The following EIF4G1 variants were observed in gnomAD, a reference collection of about 807,000 sequenced individuals.
EIF4G1 encodes EIF4-gamma.
A neutral mutation model predicts 187.8 loss-of-function variants in EIF4G1; 4 were observed. That is an observed-to-expected ratio of 0.02 (90% CI 0.01 to 0.05). EIF4G1 has a LOEUF of 0.05. Among genes scored for constraint, EIF4G1 ranks in the 10% least tolerant of loss-of-function variants. EIF4G1 has a pLI of 1.00. For missense variants in EIF4G1, 1,647 were observed against 2,081.1 expected, an observed-to-expected ratio of 0.79 and a Z score of 4.06; for synonymous variants, 844 against 781.4, an observed-to-expected ratio of 1.08 and a Z score of -1.34.
intron 32 of EIF4G1, among the ~76,000 whole-genome samples, chr3:184,332,427 C>T (rs534586613): frequency 1.3e-5 from 2 of 152,288 alleles, no homozygotes; most frequent in Non-Finnish European, 2.9e-5. Context: ...CTCATGTAGT[C>T]CTCACAAATG....
chr3:184,318,627 C>T (rs1394586846), intron 6 of EIF4G1, among the ~76,000 whole-genome samples: 1 of 152,100 alleles, frequency 6.6e-6, no homozygotes, highest in Non-Finnish European at 1.5e-5. Flanking sequence ...CTTTTTGAGA[C>T]GGAGTCTCGC....
intron 6 of EIF4G1, among the ~76,000 whole-genome samples, chr3:184,318,108 T>G (rs1020853957): frequency 1.3e-5 from 2 of 152,198 alleles, no homozygotes; most frequent in Non-Finnish European, 2.9e-5. Flanking sequence ...CTTCCATGGT[T>G]GGGAGCCCAT....
In EIF4G1 at chr3:184,323,458, C is replaced by G; in HGVS notation, c.2139C>G (p.Arg713=). The change falls in exon 15 of 33, where the codon CGC becomes CGG. Residue 713 remains arginine (R), a synonymous_variant. Transcript: ENST00000346169. This position sits in a 1 kb window ranked among gnomAD's most constrained non-coding sequence, Gnocchi z 6.9. ...RSQQGPRKEP[R]KIIATVLMTE... Reference sequence around the variant, plus strand: ...AGCAGGGACCCCGAAAAGAACCACGCAAGATCATTGCCACAGTGTTAATGA... The same window carrying G: ...AGCAGGGACCCCGAAAAGAACCACGGAAGATCATTGCCACAGTGTTAATGA... The G allele has an allele frequency of 6.2e-7, 1 of 1,614,226 alleles. No homozygotes were observed. The highest frequency in any genetic ancestry group is 8.5e-7 in the Non-Finnish European group (1 of 1,180,040).
At position 184,327,324 on chromosome 3, in the gene EIF4G1, A is replaced by T; in HGVS notation, c.3537A>T (p.Thr1179=). ...DRGDRLDRAR[T]PATKRSFSKE... ...GGGACCGGCTTGATCGTGCGCGGAC[A>T]CCTGCTACCAAGCGGAGCTTCAGCA... Residue 1179 remains threonine (T), a synonymous_variant, in exon 24 of 33, where the codon ACA becomes ACT. Transcript: ENST00000346169. 6.2e-7 allele frequency: 1 copy of T among 1,613,828 alleles called. No homozygotes were observed. The highest frequency in any genetic ancestry group is 8.5e-7 in the Non-Finnish European group (1 of 1,180,032).
chr3:184,334,590 G>A lies in EIF4G1; in HGVS notation c.4619-137G>A. The A allele has an allele frequency of 1.0e-6, 1 of 965,488 alleles. No homozygotes were observed. Among genetic ancestry groups the A allele is most frequent in the Non-Finnish European group, 1.6e-6 (1 of 616,062 alleles). 59.8% of individuals were successfully genotyped at this position (965,488 alleles called of 1,614,324 possible). A position where few individuals can be genotyped will look rare whatever the true frequency, so the allele number is the denominator to read the frequency against. Reference sequence around the variant, plus strand: ...AGATTAGCATCCTGTCAGAGGCCTAGTCACTCTGGAATGGCCACAAATGTC... The same window carrying A: ...AGATTAGCATCCTGTCAGAGGCCTAATCACTCTGGAATGGCCACAAATGTC... On this transcript the variant is annotated intron_variant, in intron 32 of 32. Coordinates refer to ENST00000346169, the MANE Select transcript of EIF4G1 (RefSeq NM_198241.3). The surrounding 1 kb of genome is among the most constrained non-coding windows in gnomAD (Gnocchi z 5.8).
chr3:184,320,299 T>A, intron 7 of EIF4G1: 1 of 1,270,646 alleles, frequency 7.9e-7, no homozygotes, highest in Non-Finnish European at 1.0e-6. Context: ...TAGCCACAAG[T>A]GAGCCGATTG....
chr3:184,332,250 T>C, intron 32 of EIF4G1, 164 bp downstream of exon 32: 1 of 953,748 alleles, frequency 1.0e-6, no homozygotes, highest in Non-Finnish European at 1.6e-6. Flanking sequence ...TGTTGTGTTG[T>C]TCCTACAAGT....
At chr3:184,316,938 T>C (rs560992246) in intron 4 of EIF4G1, among the ~76,000 whole-genome samples, 4 of 152,170 alleles carry the variant, frequency 2.6e-5, no homozygotes, top group Non-Finnish European at 5.9e-5. Context: ...TTGCATGTTA[T>C]GGTTAGCTCC....
rs918244413 is a variant in EIF4G1, at chr3:184,328,082, C to A, written c.3953+80C>A. On this transcript the variant is annotated intron_variant, in intron 26 of 32. Coordinates refer to ENST00000346169, the MANE Select transcript of EIF4G1 (RefSeq NM_198241.3). ...CCTTTTTGGGACCCTTGGAACCTTG[C>A]ATAAGAGTGTAGGTTCCCTGGCCGG... 5 of 1,527,340 alleles carry A rather than the reference C, an allele frequency of 3.3e-6. No individual in the cohort carries two copies. The African/African-American group carries it at 5.5e-5, about 17-fold the overall frequency. The allele number at this position is 1,527,340 out of a possible 1,614,324, so 94.6% of individuals were successfully genotyped here.
chr3:184,319,856 G>A, intron 7 of EIF4G1, 55 bp downstream of exon 7: 1 of 1,255,038 alleles, frequency 8.0e-7, no homozygotes. Context: ...TCAAGGTCAG[G>A]TGCTGCTGGG....
In EIF4G1 at chr3:184,324,905, G is replaced by A. The variant is rs936223156; in HGVS notation, c.2647G>A (p.Glu883Lys). The change falls in exon 18 of 33, where the codon GAG (glutamate) becomes AAG (lysine). Residue 883 changes from glutamate (E) to lysine (K), a missense_variant. Around this residue, in one of 11 missense-constraint regions of EIF4G1, gnomAD observed 40 missense variants for 42.2 expected, o/e 0.95. Coordinates refer to ENST00000346169, the MANE Select transcript of EIF4G1 (RefSeq NM_198241.3). ...TAEERGRLKE[E>K]LEEARDIARR... ...AGAGGAACGAGGACGCCTGAAGGAA[G>A]AGCTGGAAGAGGCTCGGGACATAGC... 6 of 1,614,070 alleles carry A rather than the reference G, an allele frequency of 3.7e-6. No individual in the cohort carries two copies. The highest frequency in any genetic ancestry group is 4.2e-6 in the Non-Finnish European group (5 of 1,180,062).
rs773620735 is a variant in EIF4G1 at position 184,328,921 on chromosome 3, G to A, written c.4092G>A (p.Lys1364=). The A allele has an allele frequency of 2.5e-6, 4 of 1,614,052 alleles. No individual in the cohort carries two copies. In the East Asian group the frequency reaches 8.9e-5, roughly 36 times the overall value. The change falls in exon 28 of 33, where the codon AAG becomes AAA. Residue 1364 remains lysine (K), a synonymous_variant. Coordinates refer to ENST00000346169, the MANE Select transcript of EIF4G1 (RefSeq NM_198241.3). ...PMGELFREIT[K]PLRPLGKAAS... ...TCTCTTCTTGTAGGGAGATTACAAA[G>A]CCTCTGAGACCGTTGGGCAAAGCTG...
At chr3:184,332,166 C>A in intron 32 of EIF4G1, 80 bp downstream of exon 32, 1 of 1,595,520 alleles carries the variant, frequency 6.3e-7, no homozygotes, top group Non-Finnish European at 8.6e-7. Flanking sequence ...ATGGAAGGGT[C>A]TTAATCCAAG....
At position 184,325,770 on chromosome 3, in the gene EIF4G1, A is replaced by G. The variant is rs764339221; in HGVS notation, c.3122-81A>G. On this transcript the variant is annotated intron_variant, in intron 20 of 32. Coordinates refer to ENST00000346169, the MANE Select transcript of EIF4G1 (RefSeq NM_198241.3). The surrounding 1 kb of genome is among the most constrained non-coding windows in gnomAD (Gnocchi z 5.2). ...CCATGATGGAACTGAGGATCTGAGG[A>G]AGGGAGGCTGGGGGTGGCCCAAGGG... 1.2e-6 allele frequency: 2 copies of G among 1,611,420 alleles called. No individual in the cohort carries two copies. Among genetic ancestry groups the G allele is most frequent in the Non-Finnish European group, 1.7e-6 (2 of 1,177,576 alleles).
chr3:184,317,534 C>G (rs750192552), intron 5 of EIF4G1, 37 bp downstream of exon 5: 2 of 1,611,758 alleles, frequency 1.2e-6, no homozygotes, highest in Admixed American at 3.3e-5. Flanking sequence ...AGCCACAGAC[C>G]CCTATACCTC....
At chr3:184,324,375 C>G in intron 17 of EIF4G1, 28 bp downstream of exon 17, 1 of 1,614,106 alleles carries the variant, frequency 6.2e-7, no homozygotes, top group South Asian at 1.1e-5. Context: ...ATCGATTCCA[C>G]TCACCACTTA....
At chr3:184,329,044 T>C (rs1725515832) in intron 28 of EIF4G1, 54 bp downstream of exon 28, 2 of 1,601,842 alleles carry the variant, frequency 1.2e-6, no homozygotes, top group Middle Eastern at 3.8e-4. Flanking sequence ...TTTTGGCTGT[T>C]TGCTGTGGCC....
At position 184,324,922 on chromosome 3, in the gene EIF4G1, G is replaced by A. The variant is rs113839760; in HGVS notation, c.2664G>A (p.Arg888=). Residue 888 remains arginine (R), a synonymous_variant, in exon 18 of 33, where the codon CGG becomes CGA. Coordinates refer to ENST00000346169, the MANE Select transcript of EIF4G1 (RefSeq NM_198241.3). ...TGAAGGAAGAGCTGGAAGAGGCTCG[G>A]GACATAGCCCGGCGGCGCTCTTTAG... is the stretch of plus-strand genomic sequence containing the variant. The part of the protein sequence containing the change: ...GRLKEELEEA[R]DIARRRSLGN... 457 of 1,614,224 alleles carry A rather than the reference G, an allele frequency of 2.8e-4. 1 individual carries two copies. The African/African-American group carries it at 5.4e-3, about 19-fold the overall frequency.
chr3:184,315,935 C>T, intron 3 of EIF4G1, 79 bp downstream of exon 3: 2 of 1,510,746 alleles, frequency 1.3e-6, no homozygotes, highest in Non-Finnish European at 1.8e-6. Context: ...CTACCCCCAT[C>T]TGTGTCAGGG....
Sources: gnomAD v4.1 joint callset for allele counts (sites outside exome capture counted in the v4.1 genomes callset) on GRCh38, gnomAD v4.1.1 for gene constraint, gnomAD v4.1.1 regional missense constraint, Gnocchi (gnomAD v3.1) non-coding constraint, MANE v1.5 for transcripts, NCBI Gene and HGNC (gene_info 2026-07-23, HGNC 2026-07-21) for gene names.